Variants in LRRC72 observed in about 807,000 individuals in gnomAD.
The protein encoded by LRRC72 is leucine rich repeat containing 72, also known as leucine-rich repeat-containing protein 72.
Under a neutral mutation model 35.8 loss-of-function variants are expected in LRRC72, and 41 were observed. The observed-to-expected ratio is 1.15, with a 90% CI of 0.89 to 1.49. The LOEUF (loss-of-function observed/expected upper bound fraction) is 1.49, where lower values mean the gene tolerates loss of function less well. LRRC72 is among the 40% of genes most tolerant of loss of function. The probability of loss-of-function intolerance (pLI) is 0.00; values close to 1 mark genes in which losing one functional copy is unlikely to be tolerated. For missense variants in LRRC72, 389 were observed against 330.7 expected, an observed-to-expected ratio of 1.18 and a Z score of -1.37; for synonymous variants, 118 against 119.2, an observed-to-expected ratio of 0.99 and a Z score of 0.07.
chr7:16,581,146 A>G (rs1783134242), intron 8 of LRRC72, among the ~76,000 whole-genome samples, 178 bp from the exon 9 acceptor site: 1 of 152,226 alleles, frequency 6.6e-6, no homozygotes, highest in Non-Finnish European at 1.5e-5. Flanking sequence ...CAATAAAAAT[A>G]GTGTCACTTA....
chr7:16,530,918 T>A (rs889392033), intron 1 of LRRC72, among the ~76,000 whole-genome samples: 1 of 152,132 alleles, frequency 6.6e-6, no homozygotes, highest in Non-Finnish European at 1.5e-5. Flanking sequence ...AGATGAGGGC[T>A]GGGCACAATG....
intron 1 of LRRC72, among the ~76,000 whole-genome samples, chr7:16,531,903 C>A (rs1782171866): frequency 2.6e-5 from 4 of 152,168 alleles, no homozygotes; most frequent in African/African-American, 9.7e-5. Context: ...ATGTTAGCAA[C>A]TCATGAGAAA....
intron 3 of LRRC72, among the ~76,000 whole-genome samples, chr7:16,550,462 C>T (rs1782530443): frequency 6.6e-6 from 1 of 152,110 alleles, no homozygotes; most frequent in African/African-American, 2.4e-5. Flanking sequence ...AACAATAAGA[C>T]CCAACCTCCT....
chr7:16,544,562 T>C (rs1350102029), intron 3 of LRRC72, among the ~76,000 whole-genome samples: 4 of 152,214 alleles, frequency 2.6e-5, no homozygotes, highest in African/African-American at 9.7e-5. Context: ...ATGAAATTCA[T>C]TCTTTCCAGC....
chr7:16,541,773 G>A (rs746182144), intron 3 of LRRC72, among the ~76,000 whole-genome samples: 20 of 152,204 alleles, frequency 1.3e-4, no homozygotes, highest in Non-Finnish European at 2.2e-4. Context: ...TTAGCTGGTT[G>A]TGGTGGCGGG....
chr7:16,570,753 G>C (rs539792772), intron 7 of LRRC72, among the ~76,000 whole-genome samples: 1 of 152,224 alleles, frequency 6.6e-6, no homozygotes, highest in African/African-American at 2.4e-5. Context: ...CCAGGAGGTG[G>C]AGGTTGCAGT....
intron 7 of LRRC72, among the ~76,000 whole-genome samples, chr7:16,575,892 T>C (rs1783031927): frequency 6.6e-6 from 1 of 152,200 alleles, no homozygotes; most frequent in African/African-American, 2.4e-5. Flanking sequence ...TTATTATTGG[T>C]GTGATCCCTA....
At chr7:16,577,969 A>G (rs1783072137) in intron 7 of LRRC72, among the ~76,000 whole-genome samples, 1 of 152,226 alleles carries the variant, frequency 6.6e-6, no homozygotes. Flanking sequence ...GGCAGTATCC[A>G]CCAACATATA....
chr7:16,578,156 A>T (rs918188245), intron 7 of LRRC72, among the ~76,000 whole-genome samples: 3 of 152,246 alleles, frequency 2.0e-5, no homozygotes, highest in Non-Finnish European at 4.4e-5. Flanking sequence ...TGTTAAATAG[A>T]CTATGGCACA....
chr7:16,574,227 G>T (rs995084049), intron 7 of LRRC72, among the ~76,000 whole-genome samples: 1 of 152,162 alleles, frequency 6.6e-6, no homozygotes, highest in Non-Finnish European at 1.5e-5. Context: ...CAACCATTGT[G>T]GAAGACAATG....
Position 16,566,479 on chromosome 7 carries a change from C to T in LRRC72, c.517+77C>T, listed in dbSNP as rs7795688. ...TCAGCGGTTTAAAAACGAAGACTAC[C>T]TTTGAAAATATGTCTTTGTAAAAAA... On this transcript the variant is annotated intron_variant, in intron 6 of 8. Coordinates refer to ENST00000401542, the MANE Select transcript of LRRC72 (RefSeq NM_001195280.2). 1.3e-3 allele frequency: 1,078 copies of T among 798,750 alleles called. 9 individuals are homozygous for T. In the African/African-American group the frequency reaches 0.017, roughly 13 times the overall value. 49.5% of individuals were successfully genotyped at this position (798,750 alleles called of 1,614,324 possible). A position where few individuals can be genotyped will look rare whatever the true frequency, so the allele number is the denominator to read the frequency against.
At chr7:16,565,198 G>A (rs1342062063) in intron 5 of LRRC72, among the ~76,000 whole-genome samples, 1 of 152,162 alleles carries the variant, frequency 6.6e-6, no homozygotes, top group African/African-American at 2.4e-5. Flanking sequence ...ATTTTGGGAG[G>A]CCAAGGTGGG....
intron 7 of LRRC72, among the ~76,000 whole-genome samples, chr7:16,572,670 T>A (rs1281950088): frequency 6.6e-6 from 1 of 152,158 alleles, no homozygotes; most frequent in Non-Finnish European, 1.5e-5. Context: ...ATAAGAGCTA[T>A]TTATGACAGA....
At chr7:16,561,607 G>T (rs370041697) in intron 5 of LRRC72, among the ~76,000 whole-genome samples, 1 of 152,186 alleles carries the variant, frequency 6.6e-6, no homozygotes, top group African/African-American at 2.4e-5. Context: ...TCACAGTGAC[G>T]TATTTCAAGT....
chr7:16,562,245 C>T (rs950328611), intron 5 of LRRC72, among the ~76,000 whole-genome samples: 3 of 152,128 alleles, frequency 2.0e-5, no homozygotes, highest in Admixed American at 6.6e-5. Context: ...GCTCAGTTTT[C>T]CTCTTCCCTT....
At chr7:16,529,494 T>C (rs1782127517) in intron 1 of LRRC72, among the ~76,000 whole-genome samples, 2 of 152,188 alleles carry the variant, frequency 1.3e-5, no homozygotes, top group Non-Finnish European at 2.9e-5. Context: ...CCACGAACTG[T>C]GCCCCTATAA....
chr7:16,566,254 G>C, intron 5 of LRRC72, 59 bp from the exon 6 acceptor site: 1 of 1,091,618 alleles, frequency 9.2e-7, no homozygotes, highest in Non-Finnish European at 1.3e-6. Context: ...TATTTTATAA[G>C]TGATAAGTGA....
rs142082590 is a variant in LRRC72, at chr7:16,550,134, C to T, written c.235-7226C>T. On this transcript the variant is annotated intron_variant, in intron 3 of 8. Transcript: ENST00000401542. ...CTTGGGATGCTGAGGTGGGAGGATG[C>T]TTGAGCCTGGGAGGGTGAGGCTGCA... is the stretch of plus-strand genomic sequence containing the variant. 9.9e-3 allele frequency among the ~76,000 whole-genome samples: 1,506 copies of T among 152,100 alleles called. 18 individuals are homozygous for T. Among genetic ancestry groups the T allele is most frequent in the Non-Finnish European group, 0.014 (977 of 67,958 alleles).
At chr7:16,554,338 T>A (rs2128336852) in intron 3 of LRRC72, among the ~76,000 whole-genome samples, 1 of 152,232 alleles carries the variant, frequency 6.6e-6, no homozygotes, top group South Asian at 2.1e-4. Flanking sequence ...TCAAAATAAA[T>A]AAATAAATAA....
Sources: allele counts gnomAD v4.1 joint callset (sites outside exome capture counted in the v4.1 genomes callset), GRCh38; gene constraint gnomAD v4.1.1; transcripts MANE v1.5; gene names NCBI Gene and HGNC (gene_info 2026-07-23, HGNC 2026-07-21).